TENM4: variants seen among roughly 807,000 people sequenced by gnomAD.
TENM4 encodes teneurin-4.
In TENM4, 82 loss-of-function variants were observed where a neutral mutation model predicts 243.3. The ratio of observed to expected loss-of-function variants is 0.34; its 90% CI spans 0.28 to 0.40. The LOEUF (loss-of-function observed/expected upper bound fraction) is 0.40, where lower values mean the gene tolerates loss of function less well. Ranked by LOEUF, TENM4 falls within the 10% of genes least tolerant of loss-of-function variation. The pLI, the probability that TENM4 is intolerant of heterozygous loss-of-function variation, is 1.00. For missense variants in TENM4, 3,138 were observed against 3,673.3 expected (o/e 0.85, Z 3.77); for synonymous variants, 1,412 against 1,456.3 (o/e 0.97, Z 0.69).
At chr11:79,429,515 C>A (rs1379212976) in intron 1 of TENM4, among the ~76,000 whole-genome samples, 1 of 151,928 alleles carries the variant, frequency 6.6e-6, no homozygotes, top group Non-Finnish European at 1.5e-5. Context: ...GTGAATCCCA[C>A]AACAACCCTT....
intron 16 of TENM4, among the ~76,000 whole-genome samples, chr11:78,785,571 A>G (rs1275454824): frequency 1.3e-5 from 2 of 152,182 alleles, no homozygotes; most frequent in Admixed American, 6.5e-5. Context: ...GAAATAATAC[A>G]TACTGCTTCA....
intron 6 of TENM4, among the ~76,000 whole-genome samples, chr11:79,041,494 C>CA (rs34771137): frequency 0.053 from 7,412 of 140,198 alleles, 380 homozygotes; most frequent in African/African-American, 0.12. Context: ...TGGAGGCACT[C>CA]AAAAAAAAAA....
In TENM4 at chr11:79,125,069, A is replaced by C. The variant is rs140071158; in HGVS notation, c.-66+23641T>G. 6.6e-3 allele frequency among the ~76,000 whole-genome samples: 1,000 copies of C among 151,788 alleles called. 12 individuals are homozygous for C. The highest frequency in any genetic ancestry group is 0.023 in the African/African-American group (946 of 41,402). ...TTTCTGGAATTGGTTGCTTAATATG[A>C]TTAGACCCCAAAATGCTAAGGACTC... On this transcript the variant is annotated intron_variant, in intron 4 of 33. Transcript: ENST00000278550.
rs1033428421 is a variant in TENM4, at chr11:79,396,588, A to G, written c.-321+43921T>C. 4.3e-4 allele frequency among the ~76,000 whole-genome samples: 66 copies of G among 152,218 alleles called. 1 individual carries two copies. Among genetic ancestry groups the G allele is most frequent in the Non-Finnish European group, 1.5e-5 (1 of 68,038 alleles). ...CAGGGACCCCTTCCACCCCAGGGCA[A>G]GGAAATGGCTGCCAAATTGCAGCCA... On this transcript the variant is annotated intron_variant, in intron 1 of 33. Coordinates refer to ENST00000278550, the MANE Select transcript of TENM4 (RefSeq NM_001098816.3).
At chr11:79,144,069 A>T (rs2135038545) in intron 4 of TENM4, among the ~76,000 whole-genome samples, 1 of 152,168 alleles carries the variant, frequency 6.6e-6, no homozygotes, top group South Asian at 2.1e-4. Flanking sequence ...CGCATTAATA[A>T]TCAGAATATA....
intron 30 of TENM4, 135 bp from the exon 31 acceptor site, chr11:78,672,464 C>G: frequency 1.1e-6 from 1 of 922,002 alleles, no homozygotes; most frequent in South Asian, 1.7e-5. Flanking sequence ...CAGCAACAGA[C>G]ATGGGTTTGA....
chr11:78,955,417 G>T (rs1297853268), intron 6 of TENM4, among the ~76,000 whole-genome samples: 1 of 152,188 alleles, frequency 6.6e-6, no homozygotes, highest in Non-Finnish European at 1.5e-5. Context: ...ATGTGGTCTG[G>T]TGTCCACAAG....
chr11:79,063,311 G>C (rs924665857), intron 6 of TENM4, among the ~76,000 whole-genome samples: 1 of 152,188 alleles, frequency 6.6e-6, no homozygotes, highest in Non-Finnish European at 1.5e-5. Flanking sequence ...CCTGGTCCCT[G>C]CCCTGATCCA....
At chr11:79,350,188 G>A (rs1283653678) in intron 1 of TENM4, among the ~76,000 whole-genome samples, 1 of 152,148 alleles carries the variant, frequency 6.6e-6, no homozygotes, top group Non-Finnish European at 1.5e-5. Context: ...GAACGGGGCT[G>A]CTTCTCCAGT....
At chr11:78,988,867 G>A (rs1174439314) in intron 6 of TENM4, among the ~76,000 whole-genome samples, 1 of 152,210 alleles carries the variant, frequency 6.6e-6, no homozygotes, top group African/African-American at 2.4e-5. Flanking sequence ...TGTGGAGACA[G>A]GGTCCCACTA....
chr11:78,805,282 C>CCCCCCCCCCCCCCCCCCCCCAAAA lies in TENM4; in HGVS notation c.2179+9_2179+10insTTTTGGGGGGGGGGGGGGGGGGGG. ...CCCTCTACCCATGCTTCTTCTCCCC[C>CCCCCCCCCCCCCCCCCCCCCAAAA]TGCATTTACCGATAGAACAGTCGTG... On this transcript the variant is annotated intron_variant, in intron 15 of 33. Transcript: ENST00000278550. 1.0e-6 allele frequency: 1 copy of CCCCCCCCCCCCCCCCCCCCCAAAA among 995,566 alleles called. No individual in the cohort carries two copies. Among genetic ancestry groups the CCCCCCCCCCCCCCCCCCCCCAAAA allele is most frequent in the Admixed American group, 4.9e-5 (1 of 20,342 alleles). The allele number at this position is 995,566 out of a possible 1,614,324, so 61.7% of individuals were successfully genotyped here.
chr11:79,171,599 G>A (rs1447909942), intron 3 of TENM4, among the ~76,000 whole-genome samples: 1 of 152,206 alleles, frequency 6.6e-6, no homozygotes, highest in Non-Finnish European at 1.5e-5. Flanking sequence ...GAGAGGAAGA[G>A]GATCTGGGAA....
chr11:78,709,013 G>T (rs149816285), intron 26 of TENM4, among the ~76,000 whole-genome samples: 1,503 of 145,666 alleles, frequency 0.01, 12 homozygotes, highest in Non-Finnish European at 0.015. Context: ...TGTCACCCAG[G>T]CTGTAGTGCA....
intron 29 of TENM4, among the ~76,000 whole-genome samples, chr11:78,676,673 G>A (rs991319369): frequency 2.6e-5 from 4 of 152,080 alleles, no homozygotes; most frequent in African/African-American, 7.2e-5. Flanking sequence ...CAGTTATACA[G>A]TTTTTCACTG....
At chr11:78,884,861 T>C (rs1240754305) in intron 9 of TENM4, among the ~76,000 whole-genome samples, 1 of 152,208 alleles carries the variant, frequency 6.6e-6, no homozygotes, top group Non-Finnish European at 1.5e-5. Flanking sequence ...GGCAAGCTAC[T>C]TAAGCTCATG....
intron 3 of TENM4, among the ~76,000 whole-genome samples, chr11:79,154,378 G>C (rs564193176): frequency 9.5e-4 from 144 of 152,176 alleles, no homozygotes; most frequent in African/African-American, 3.2e-3. Context: ...ACCATGAAGA[G>C]AGCACCAAAC....
At chr11:79,138,448 AT>A (rs1199308739) in intron 4 of TENM4, among the ~76,000 whole-genome samples, 1 of 116,254 alleles carries the variant, frequency 8.6e-6, no homozygotes, top group African/African-American at 3.6e-5. Context: ...TATTATATTT[AT>A]ATATAATATA....
chr11:78,861,016 A>G (rs571672173), intron 10 of TENM4, among the ~76,000 whole-genome samples: 1 of 152,346 alleles, frequency 6.6e-6, no homozygotes, highest in African/African-American at 2.4e-5. Flanking sequence ...TCTGATAGAG[A>G]TCATAGAGGG....
At chr11:79,040,500 G>A (rs1006341919) in intron 6 of TENM4, among the ~76,000 whole-genome samples, 3 of 152,198 alleles carry the variant, frequency 2.0e-5, no homozygotes, top group Admixed American at 6.5e-5. Context: ...CTGAAGTCTG[G>A]TGTTTGCTGC....
Sources: gnomAD v4.1 joint callset for allele counts (sites outside exome capture counted in the v4.1 genomes callset) on GRCh38, gnomAD v4.1.1 for gene constraint, MANE v1.5 for transcripts, NCBI Gene and HGNC (gene_info 2026-07-23, HGNC 2026-07-21) for gene names.